The following MACROD2 variants were observed in gnomAD, a reference collection of about 807,000 sequenced individuals.
MACROD2 encodes mono-ADP ribosylhydrolase 2, also known as ADP-ribose glycohydrolase MACROD2.
MACROD2 carries 36 observed loss-of-function variants against 70.4 expected under a neutral mutation model. The ratio of observed to expected loss-of-function variants is 0.51; its 90% CI spans 0.39 to 0.68. MACROD2 has a LOEUF of 0.68. Ranked by LOEUF, MACROD2 falls within the 30% of genes least tolerant of loss-of-function variation. MACROD2 has a pLI of 0.00. For missense variants in MACROD2, 496 were observed against 538.4 expected, an observed-to-expected ratio of 0.92 and a Z score of 0.78; for synonymous variants, 172 against 178.8, an observed-to-expected ratio of 0.96 and a Z score of 0.30.
intron 4 of MACROD2, among the ~76,000 whole-genome samples, chr20:14,661,881 G>A (rs552480464): frequency 4.6e-5 from 7 of 152,112 alleles, no homozygotes; most frequent in African/African-American, 1.7e-4. Flanking sequence ...TACTTCTACT[G>A]GTCATCAGTG....
chr20:15,446,365 CA>C (rs2046565613), intron 7 of MACROD2, among the ~76,000 whole-genome samples: 1 of 152,216 alleles, frequency 6.6e-6, no homozygotes, highest in Non-Finnish European at 1.5e-5. Flanking sequence ...AAGGCATAGG[CA>C]GCCTGTGCAA....
At chr20:14,833,721 A>G (rs1295881064) in intron 5 of MACROD2, among the ~76,000 whole-genome samples, 3 of 152,086 alleles carry the variant, frequency 2.0e-5, no homozygotes, top group African/African-American at 4.8e-5. Flanking sequence ...TGTGTTTTCA[A>G]TTATTACATT....
intron 9 of MACROD2, among the ~76,000 whole-genome samples, chr20:15,867,364 G>A (rs1463512955): frequency 1.3e-5 from 2 of 152,110 alleles, no homozygotes; most frequent in African/African-American, 2.4e-5. Flanking sequence ...AACCAGCATC[G>A]AATTTTTTTT....
chr20:14,211,853 AATAGTCACTACAGTGCTAGCTTC>A (rs1306080264), intron 3 of MACROD2, among the ~76,000 whole-genome samples: 10 of 152,194 alleles, frequency 6.6e-5, no homozygotes, highest in Non-Finnish European at 1.5e-4. Context: ...CAGAGGTGGT[AATAGTCACTACAGTGCTAGCTTC>A]AGGTTATCAA....
chr20:15,797,871 C>A (rs939234261), intron 8 of MACROD2, among the ~76,000 whole-genome samples: 1 of 152,194 alleles, frequency 6.6e-6, no homozygotes, highest in Non-Finnish European at 1.5e-5. Context: ...GCATTTCTAA[C>A]AAGTTCCCAA....
At chr20:15,700,512 T>C (rs1055004132) in intron 8 of MACROD2, among the ~76,000 whole-genome samples, 1 of 152,164 alleles carries the variant, frequency 6.6e-6, no homozygotes, top group Non-Finnish European at 1.5e-5. Context: ...CTCTTATTTT[T>C]CCCCCTGAAT....
chr20:14,200,065 A>T (rs1350763466), intron 3 of MACROD2, among the ~76,000 whole-genome samples: 1 of 152,186 alleles, frequency 6.6e-6, no homozygotes, highest in African/African-American at 2.4e-5. Flanking sequence ...GAATTGAATT[A>T]TTGTGTTTTT....
chr20:14,433,522 C>A (rs112583072), intron 3 of MACROD2, among the ~76,000 whole-genome samples: 2 of 152,120 alleles, frequency 1.3e-5, no homozygotes, highest in Non-Finnish European at 2.9e-5. Context: ...ATAGAGAGAA[C>A]TGCAGAATAA....
intron 8 of MACROD2, among the ~76,000 whole-genome samples, chr20:15,636,139 A>G (rs1356123525): frequency 2.0e-5 from 3 of 147,256 alleles, no homozygotes; most frequent in African/African-American, 5.1e-5. Context: ...GAAAAAAAAA[A>G]GAAATCCCCT....
chr20:15,536,532 CTA>C (rs1326747487), intron 8 of MACROD2, among the ~76,000 whole-genome samples: 1 of 152,180 alleles, frequency 6.6e-6, no homozygotes, highest in African/African-American at 2.4e-5. Flanking sequence ...AATTGTACTG[CTA>C]TCTTTGGCTT....
chr20:15,107,446 G>A (rs1347694932), intron 5 of MACROD2, among the ~76,000 whole-genome samples: 1 of 151,520 alleles, frequency 6.6e-6, no homozygotes. Context: ...AGAAAACATT[G>A]ACTGTAAATC....
chr20:14,052,958 T>A (rs1211961931), intron 2 of MACROD2: 1 of 151,976 alleles, frequency 6.6e-6, no homozygotes, highest in East Asian at 1.9e-4. Flanking sequence ...ATAAAATTGG[T>A]CAAGGTAAAG....
rs1307656011 is a variant in MACROD2 at position 14,930,868 on chromosome 20, A to AC, written c.418+245909_418+245910insC. The stretch of plus-strand genomic sequence containing the variant: ...ATTATGGCAATTTTTTTAAGTAAAA[A>AC]AAAAAAAAAACAAAAGCCAGGCACA... On this transcript the variant is annotated intron_variant, in intron 5 of 17. Coordinates refer to ENST00000684519, the MANE Select transcript of MACROD2 (RefSeq NM_001351661.2). Among the ~76,000 whole-genome samples, 3 of 150,578 alleles carry AC rather than the reference A, an allele frequency of 2.0e-5. No homozygotes were observed. In the East Asian group the frequency reaches 5.8e-4, roughly 29 times the overall value.
chr20:14,499,982 A>G (rs1020445085), intron 4 of MACROD2, among the ~76,000 whole-genome samples: 1 of 152,108 alleles, frequency 6.6e-6, no homozygotes, highest in Non-Finnish European at 1.5e-5. Flanking sequence ...AGCAGGGAAA[A>G]TGAAACAGAA....
chr20:15,786,748 A>G (rs2097830259), intron 8 of MACROD2, among the ~76,000 whole-genome samples: 1 of 152,220 alleles, frequency 6.6e-6, no homozygotes, highest in Admixed American at 6.5e-5. Context: ...AAGAAGGTAA[A>G]GAAACAGTGT....
At chr20:14,314,631 A>C (rs1308889442) in intron 3 of MACROD2, among the ~76,000 whole-genome samples, 1 of 152,118 alleles carries the variant, frequency 6.6e-6, no homozygotes, top group Non-Finnish European at 1.5e-5. Context: ...AAGGTGGTGC[A>C]TGCCTGTAAT....
intron 4 of MACROD2, among the ~76,000 whole-genome samples, chr20:14,623,195 T>TC (rs1475365250): frequency 6.6e-6 from 1 of 152,106 alleles, no homozygotes; most frequent in Non-Finnish European, 1.5e-5. Flanking sequence ...GTTTTTTTTT[T>TC]CTCAACCAAC....
At chr20:16,038,947 A>T (rs1042237019) in intron 15 of MACROD2, among the ~76,000 whole-genome samples, 1 of 151,956 alleles carries the variant, frequency 6.6e-6, no homozygotes, top group African/African-American at 2.4e-5. Context: ...TTTCAAGTTC[A>T]TGCTTGTCCC....
intron 3 of MACROD2, among the ~76,000 whole-genome samples, chr20:14,154,692 G>A (rs557443720): frequency 1.6e-4 from 25 of 151,588 alleles, no homozygotes; most frequent in Middle Eastern, 3.4e-3. Flanking sequence ...GATTATAGGC[G>A]TGAGCCACCG....
Sources: allele counts gnomAD v4.1 joint callset (sites outside exome capture counted in the v4.1 genomes callset), GRCh38; gene constraint gnomAD v4.1.1; transcripts MANE v1.5; gene names NCBI Gene and HGNC (gene_info 2026-07-23, HGNC 2026-07-21).